FTO: variants seen among roughly 807,000 people sequenced by gnomAD.
The protein encoded by FTO is alpha-ketoglutarate-dependent dioxygenase FTO.
In FTO, 47 loss-of-function variants were observed where a neutral mutation model predicts 63.9. The ratio of observed to expected loss-of-function variants is 0.74; its 90% CI spans 0.58 to 0.94. The LOEUF (loss-of-function observed/expected upper bound fraction) is 0.94. Ranked by LOEUF, FTO falls within the 40% of genes least tolerant of loss-of-function variation. The pLI, the probability that FTO is intolerant of heterozygous loss-of-function variation, is 0.00. For missense variants in FTO, 562 were observed against 618.1 expected (o/e 0.91, Z 0.96); for synonymous variants, 207 against 224.4 (o/e 0.92, Z 0.69).
chr16:54,061,631 G>GTA (rs1242338065), intron 8 of FTO: 1 of 148,002 alleles, frequency 6.8e-6, no homozygotes, highest in Admixed American at 6.7e-5. Flanking sequence ...GTGTGTGTGT[G>GTA]TACAGCCGCA....
chr16:53,915,911 C>T (rs1422126601), intron 7 of FTO, among the ~76,000 whole-genome samples: 1 of 152,206 alleles, frequency 6.6e-6, no homozygotes, highest in Non-Finnish European at 1.5e-5. Flanking sequence ...TAAAACTATT[C>T]TGGATGTGGC....
intron 8 of FTO, among the ~76,000 whole-genome samples, chr16:53,985,721 T>C (rs12325409): frequency 2.6e-5 from 4 of 152,152 alleles, no homozygotes; most frequent in African/African-American, 4.8e-5. Flanking sequence ...TCTCCACCTC[T>C]GACTCTTAGT....
intron 4 of FTO, among the ~76,000 whole-genome samples, chr16:53,871,936 A>C (rs2080510337): frequency 6.6e-6 from 1 of 152,116 alleles, no homozygotes; most frequent in Non-Finnish European, 1.5e-5. Context: ...CATGTTGGCC[A>C]GGCTGGTCTC....
chr16:53,960,606 G>C (rs1282860116), intron 8 of FTO, among the ~76,000 whole-genome samples: 2 of 152,042 alleles, frequency 1.3e-5, no homozygotes, highest in Non-Finnish European at 2.9e-5. Flanking sequence ...TTGCTGTAGT[G>C]GTTCTGTCAG....
rs2086975327 is a variant in FTO at position 54,116,418 on chromosome 16, A to G, written c.*4503A>G. ...CAGATGGAGAGGAGCGGTGTGGATT[A>G]AAATGCGCCGAAGTGGTAATGCCGT... is the stretch of plus-strand genomic sequence containing the variant. On this transcript the variant is annotated 3_prime_UTR_variant, in exon 9 of 9. Transcript: ENST00000471389. 1.3e-5 allele frequency: 2 copies of G among 152,172 alleles called. No individual in the cohort carries two copies. Among genetic ancestry groups the G allele is most frequent in the Non-Finnish European group, 2.9e-5 (2 of 68,048 alleles). 9.4% of individuals were successfully genotyped at this position (152,172 alleles called of 1,614,324 possible). A position where few individuals can be genotyped will look rare whatever the true frequency, so the allele number is the denominator to read the frequency against.
intron 5 of FTO, among the ~76,000 whole-genome samples, chr16:53,879,255 G>A (rs944666219): frequency 1.3e-5 from 2 of 152,122 alleles, no homozygotes; most frequent in Non-Finnish European, 2.9e-5. Context: ...GTTAGCCTCC[G>A]GGACCCAAAT....
intron 6 of FTO, 53 bp downstream of exon 6, chr16:53,880,040 G>T: frequency 3.6e-6 from 5 of 1,394,428 alleles, no homozygotes; most frequent in South Asian, 3.6e-5. Context: ...TGTCACCCAG[G>T]CTGGAGTGCA....
At chr16:53,805,807 G>A (rs2078349148) in intron 1 of FTO, among the ~76,000 whole-genome samples, 2 of 152,158 alleles carry the variant, frequency 1.3e-5, no homozygotes, top group Admixed American at 6.5e-5. Flanking sequence ...CTGTGGAAAT[G>A]GGTGGTAGCC....
intron 8 of FTO, chr16:54,034,069 A>G (rs1201888797): frequency 1.3e-5 from 2 of 152,178 alleles, no homozygotes; most frequent in East Asian, 1.9e-4. Flanking sequence ...TCACTTCGGG[A>G]AAGTGTAGCA....
At chr16:53,902,356 T>C (rs990520763) in intron 7 of FTO, among the ~76,000 whole-genome samples, 1 of 152,126 alleles carries the variant, frequency 6.6e-6, no homozygotes, top group Non-Finnish European at 1.5e-5. Context: ...ATGTAGGCTT[T>C]TCTGGAGGGC....
chr16:53,873,908 A>AAT, intron 5 of FTO, 43 bp downstream of exon 5: 6 of 1,452,446 alleles, frequency 4.1e-6, no homozygotes, highest in Non-Finnish European at 5.8e-6. Flanking sequence ...ATTGGATGTG[A>AAT]CAGAAGTGGT....
intron 1 of FTO, among the ~76,000 whole-genome samples, chr16:53,804,518 C>T (rs759146326): frequency 9.9e-5 from 15 of 151,802 alleles, no homozygotes; most frequent in Non-Finnish European, 1.6e-4. Context: ...TTTCGTAGGA[C>T]AAGGAATGCT....
At chr16:53,861,495 C>A (rs1030469962) in intron 4 of FTO, among the ~76,000 whole-genome samples, 2 of 152,154 alleles carry the variant, frequency 1.3e-5, no homozygotes, top group African/African-American at 4.8e-5. Flanking sequence ...GTATTTTGCT[C>A]ATTTTTCTGT....
chr16:53,959,585 A>G (rs1203735612), intron 8 of FTO, among the ~76,000 whole-genome samples: 1 of 152,118 alleles, frequency 6.6e-6, no homozygotes, highest in South Asian at 2.1e-4. Flanking sequence ...TTTTGTAACC[A>G]TGTAACCATT....
At chr16:53,914,631 T>C (rs1327310930) in intron 7 of FTO, among the ~76,000 whole-genome samples, 7 of 152,138 alleles carry the variant, frequency 4.6e-5, no homozygotes, top group Non-Finnish European at 4.4e-5. Flanking sequence ...ATCTCATTAC[T>C]GGAAAAGCGC....
At chr16:53,709,329 G>A (rs2075709625) in intron 1 of FTO, among the ~76,000 whole-genome samples, 1 of 152,170 alleles carries the variant, frequency 6.6e-6, no homozygotes, top group Non-Finnish European at 1.5e-5. Context: ...TTTTTAAAAT[G>A]AACTTTTCTT....
chr16:54,060,278 A>C (rs1168517974), intron 8 of FTO, among the ~76,000 whole-genome samples: 1 of 152,232 alleles, frequency 6.6e-6, no homozygotes, highest in Non-Finnish European at 1.5e-5. Flanking sequence ...TCTGGGTTCA[A>C]CCGAAAGACT....
chr16:54,011,068 A>T (rs186021996), intron 8 of FTO, among the ~76,000 whole-genome samples: 239 of 152,238 alleles, frequency 1.6e-3, no homozygotes, highest in Middle Eastern at 6.8e-3. Flanking sequence ...CTTTAATCTC[A>T]TCCACCTCTG....
At chr16:54,011,292 G>A (rs1273342536) in intron 8 of FTO, among the ~76,000 whole-genome samples, 5 of 152,136 alleles carry the variant, frequency 3.3e-5, no homozygotes, top group African/African-American at 7.2e-5. Flanking sequence ...CTTTTAGAAA[G>A]TTTCTGATGA....
Sources: allele counts gnomAD v4.1 joint callset (sites outside exome capture counted in the v4.1 genomes callset), GRCh38; gene constraint gnomAD v4.1.1; transcripts MANE v1.5; gene names NCBI Gene and HGNC (gene_info 2026-07-23, HGNC 2026-07-21).